AMPH: variants seen among roughly 807,000 people sequenced by gnomAD.
The protein encoded by AMPH is amphiphysin (Stiff-Mann syndrome with breast cancer 128kD autoantigen).
AMPH carries 49 observed loss-of-function variants against 99.1 expected under a neutral mutation model. The ratio of observed to expected loss-of-function variants is 0.49; its 90% CI spans 0.39 to 0.63. The LOEUF is 0.63. AMPH is among the 20% of genes least tolerant of loss of function. The pLI is 0.00. For missense variants in AMPH, 759 were observed against 863.4 expected (o/e 0.88, Z 1.52); for synonymous variants, 314 against 317.3 (o/e 0.99, Z 0.11).
intron 12 of AMPH, among the ~76,000 whole-genome samples, chr7:38,433,390 A>C (rs1409752089): frequency 1.3e-5 from 2 of 152,210 alleles, no homozygotes; most frequent in Non-Finnish European, 2.9e-5. Context: ...TTTTCTGATT[A>C]TCTAGATGAT....
rs1485665236 is a variant in AMPH, at chr7:38,597,664, A to G, written c.69+33619T>C. ...AAATTACTCCTACCAAATACCAATG[A>G]TACTCACAGGATGTGACATTAATGT... On this transcript the variant is annotated intron_variant, in intron 1 of 20. Transcript: ENST00000356264. Among the ~76,000 whole-genome samples, 8 of 152,218 alleles carry G rather than the reference A, an allele frequency of 5.3e-5. No homozygotes were observed. The East Asian group carries it at 1.5e-3, about 29-fold the overall frequency.
intron 1 of AMPH, among the ~76,000 whole-genome samples, chr7:38,615,829 T>G (rs979067860): frequency 2.0e-5 from 3 of 152,152 alleles, no homozygotes; most frequent in Non-Finnish European, 4.4e-5. Context: ...ACTGTAGCAG[T>G]GGCCACGTGG....
chr7:38,388,928 G>A (rs1335863973), intron 20 of AMPH, among the ~76,000 whole-genome samples: 1 of 152,194 alleles, frequency 6.6e-6, no homozygotes, highest in Non-Finnish European at 1.5e-5. Flanking sequence ...ACAGGCATGA[G>A]CCACCCTGCC....
At chr7:38,629,449 C>T (rs1794378004) in intron 1 of AMPH, among the ~76,000 whole-genome samples, 1 of 152,164 alleles carries the variant, frequency 6.6e-6, no homozygotes, top group Admixed American at 6.5e-5. Context: ...GACTGACCAC[C>T]ATCCACAACT....
chr7:38,415,258 A>C (rs762960770), intron 17 of AMPH, among the ~76,000 whole-genome samples: 3 of 152,220 alleles, frequency 2.0e-5, no homozygotes, highest in South Asian at 2.1e-4. Flanking sequence ...CAAAAACCAA[A>C]CAAACAAAAA....
chr7:38,442,039 A>G (rs1295998815), intron 11 of AMPH, among the ~76,000 whole-genome samples: 1 of 151,742 alleles, frequency 6.6e-6, no homozygotes, highest in Non-Finnish European at 1.5e-5. Flanking sequence ...CACAAGTGAG[A>G]GCTAAAGGTT....
chr7:38,399,863 G>C (rs906661642), intron 17 of AMPH, among the ~76,000 whole-genome samples: 2 of 152,020 alleles, frequency 1.3e-5, no homozygotes, highest in African/African-American at 4.8e-5. Context: ...TATATTTATG[G>C]GGGAAACAGC....
chr7:38,421,615 A>G (rs570083314), intron 16 of AMPH, among the ~76,000 whole-genome samples: 69 of 152,360 alleles, frequency 4.5e-4, no homozygotes, highest in African/African-American at 1.6e-3. Flanking sequence ...AAATAGTTTA[A>G]AAGAAATCAT....
At chr7:38,432,559 A>AT (rs1299060130) in intron 12 of AMPH, among the ~76,000 whole-genome samples, 7 of 151,380 alleles carry the variant, frequency 4.6e-5, no homozygotes, top group Non-Finnish European at 7.4e-5. Context: ...AGAAAACTAT[A>AT]TTTGAAACAC....
chr7:38,483,647 T>C (rs147187069), intron 5 of AMPH, among the ~76,000 whole-genome samples: 24 of 152,270 alleles, frequency 1.6e-4, no homozygotes, highest in African/African-American at 5.8e-4. Flanking sequence ...AATCTATGAC[T>C]GGGATGATTG....
At chr7:38,479,898 C>T (rs535644856) in intron 5 of AMPH, among the ~76,000 whole-genome samples, 1 of 151,086 alleles carries the variant, frequency 6.6e-6, no homozygotes, top group African/African-American at 2.4e-5. Flanking sequence ...GACTCCTGAG[C>T]CCTACACTAA....
At chr7:38,491,971 T>A (rs918033659) in intron 4 of AMPH, among the ~76,000 whole-genome samples, 1 of 152,204 alleles carries the variant, frequency 6.6e-6, no homozygotes, top group African/African-American at 2.4e-5. Flanking sequence ...CCCAGTTATA[T>A]GAGTTGGCAA....
At chr7:38,409,947 C>G (rs1422084615) in intron 17 of AMPH, among the ~76,000 whole-genome samples, 1 of 152,192 alleles carries the variant, frequency 6.6e-6, no homozygotes, top group East Asian at 1.9e-4. Flanking sequence ...GGGGACTTAT[C>G]TTTTAATGCA....
chr7:38,505,242 G>C (rs1789279959), intron 2 of AMPH, among the ~76,000 whole-genome samples: 1 of 152,198 alleles, frequency 6.6e-6, no homozygotes, highest in African/African-American at 2.4e-5. Context: ...AAGGGATTCT[G>C]AATTAGGATA....
chr7:38,390,902 C>T (rs1452948617), intron 19 of AMPH, among the ~76,000 whole-genome samples: 1 of 148,468 alleles, frequency 6.7e-6, no homozygotes, highest in African/African-American at 2.5e-5. Context: ...TTATAGCCAC[C>T]CCTGTCCCCA....
At chr7:38,607,899 T>C (rs1793489844) in intron 1 of AMPH, among the ~76,000 whole-genome samples, 1 of 152,242 alleles carries the variant, frequency 6.6e-6, no homozygotes, top group South Asian at 2.1e-4. Flanking sequence ...AGAATTTTCT[T>C]TTAGCTTCCC....
chr7:38,560,133 T>C (rs1791505214), intron 1 of AMPH, among the ~76,000 whole-genome samples: 1 of 152,214 alleles, frequency 6.6e-6, no homozygotes, highest in Non-Finnish European at 1.5e-5. Context: ...ACCCTTGAAT[T>C]TGAAATTAGC....
chr7:38,427,108 GGTT>G (rs1785807113), intron 14 of AMPH, 122 bp from the exon 15 acceptor site: 1 of 848,966 alleles, frequency 1.2e-6, no homozygotes, highest in African/African-American at 1.7e-5. Flanking sequence ...TAATACAAAA[GGTT>G]GCTGTGCATG....
At chr7:38,630,987 G>A (rs889326376) in intron 1 of AMPH, among the ~76,000 whole-genome samples, 1 of 152,202 alleles carries the variant, frequency 6.6e-6, no homozygotes, top group Non-Finnish European at 1.5e-5. Flanking sequence ...CTGGCTTGGG[G>A]CCAGGAGAGC....
Sources: allele counts gnomAD v4.1 joint callset (sites outside exome capture counted in the v4.1 genomes callset), GRCh38; gene constraint gnomAD v4.1.1; transcripts MANE v1.5; gene names NCBI Gene and HGNC (gene_info 2026-07-23, HGNC 2026-07-21).